The following CACNA2D3 variants were observed in gnomAD, a reference collection of about 807,000 sequenced individuals.
The protein encoded by CACNA2D3 is calcium voltage-gated channel auxiliary subunit alpha2delta 3.
A neutral mutation model predicts 160.6 loss-of-function variants in CACNA2D3; 60 were observed. That is an observed-to-expected ratio of 0.37 (90% CI 0.30 to 0.46). The LOEUF (loss-of-function observed/expected upper bound fraction) is 0.46, where lower values mean the gene tolerates loss of function less well. Ranked by LOEUF, CACNA2D3 falls within the 20% of genes least tolerant of loss-of-function variation. The pLI is 1.00. For missense variants in CACNA2D3, 1,205 were observed against 1,365.0 expected (o/e 0.88, Z 1.85); for synonymous variants, 558 against 492.9 (o/e 1.13, Z -1.75).
intron 4 of CACNA2D3, among the ~76,000 whole-genome samples, chr3:54,461,773 T>C (rs1454222199): frequency 1.3e-5 from 2 of 152,124 alleles, no homozygotes; most frequent in African/African-American, 4.8e-5. Flanking sequence ...TGTCTCTGTT[T>C]CCTTCAGTTC....
At chr3:54,622,506 A>C (rs1699010415) in intron 9 of CACNA2D3, among the ~76,000 whole-genome samples, 1 of 151,418 alleles carries the variant, frequency 6.6e-6, no homozygotes, top group African/African-American at 2.4e-5. Context: ...CGATCTCCTG[A>C]CCTCGTGATC....
chr3:54,727,372 A>G (rs536968681), intron 11 of CACNA2D3, among the ~76,000 whole-genome samples: 2 of 152,362 alleles, frequency 1.3e-5, no homozygotes, highest in East Asian at 3.9e-4. Context: ...ATCTAGAACT[A>G]GAAATACGAT....
chr3:54,713,412 T>A lies in CACNA2D3; in HGVS notation c.1168-39187T>A, dbSNP rs993235370. Among the ~76,000 whole-genome samples, 7 of 152,306 alleles carry A rather than the reference T, an allele frequency of 4.6e-5. No individual in the cohort carries two copies. The East Asian group carries it at 1.4e-3, about 29-fold the overall frequency. On this transcript the variant is annotated intron_variant, in intron 11 of 37. Transcript: ENST00000474759. ...CTGGGGAAGATCCAAGCAGATAACA[T>A]TATCCTCACATAAAAGTGGCCAATA...
intron 2 of CACNA2D3, among the ~76,000 whole-genome samples, chr3:54,283,638 ATG>A (rs1491145373): frequency 6.6e-6 from 1 of 152,120 alleles, no homozygotes; most frequent in Non-Finnish European, 1.5e-5. Flanking sequence ...AGCAAGTGCA[ATG>A]TGTGTGTGTG....
intron 2 of CACNA2D3, among the ~76,000 whole-genome samples, chr3:54,142,977 C>T (rs1699964653): frequency 6.6e-6 from 1 of 152,196 alleles, no homozygotes; most frequent in African/African-American, 2.4e-5. Flanking sequence ...ACAAGTACAA[C>T]AACCCTGAGT....
At chr3:54,854,048 C>A (rs148312205) in intron 17 of CACNA2D3, among the ~76,000 whole-genome samples, 1 of 152,154 alleles carries the variant, frequency 6.6e-6, no homozygotes, top group South Asian at 2.1e-4. Flanking sequence ...GCAGAGCCAG[C>A]CCCTGCCAGT....
At position 54,924,951 on chromosome 3, in the gene CACNA2D3, G is replaced by C. The variant is rs765438304; in HGVS notation, c.2449+25083G>C. 3 of 1,611,550 alleles carry C rather than the reference G, an allele frequency of 1.9e-6. No homozygotes were observed. The Admixed American group carries it at 5.0e-5, about 27-fold the overall frequency. On this transcript the variant is annotated intron_variant, in intron 27 of 37. Coordinates refer to ENST00000474759, the MANE Select transcript of CACNA2D3 (RefSeq NM_018398.3). The stretch of plus-strand genomic sequence containing the variant: ...GTGCTGAAGCCCATGGAAAGCTCCA[G>C]GGGCCAGATTTGAAAGGGAATTGTT...
chr3:54,630,425 T>C (rs1480090760), intron 10 of CACNA2D3, among the ~76,000 whole-genome samples: 1 of 152,168 alleles, frequency 6.6e-6, no homozygotes, highest in East Asian at 1.9e-4. Flanking sequence ...GCATGCGCAG[T>C]TTAATGCCGG....
chr3:54,534,026 C>T (rs770837709), intron 5 of CACNA2D3, among the ~76,000 whole-genome samples: 4 of 152,194 alleles, frequency 2.6e-5, no homozygotes, highest in Non-Finnish European at 5.9e-5. Flanking sequence ...CACCCACATC[C>T]TGTCCCACCA....
At chr3:54,774,212 A>G (rs1210919619) in intron 13 of CACNA2D3, among the ~76,000 whole-genome samples, 1 of 152,204 alleles carries the variant, frequency 6.6e-6, no homozygotes, top group Non-Finnish European at 1.5e-5. Context: ...TTCTTCTCGC[A>G]TCACTATTAA....
At chr3:54,453,524 G>C (rs1401129278) in intron 4 of CACNA2D3, among the ~76,000 whole-genome samples, 1 of 151,924 alleles carries the variant, frequency 6.6e-6, no homozygotes, top group Non-Finnish European at 1.5e-5. Flanking sequence ...GATCTTTTTG[G>C]TTGCCATTAA....
intron 17 of CACNA2D3, among the ~76,000 whole-genome samples, chr3:54,850,444 C>T (rs781377708): frequency 6.6e-6 from 1 of 152,198 alleles, no homozygotes; most frequent in Non-Finnish European, 1.5e-5. Context: ...TGAAGTATAG[C>T]TACAGACTAG....
intron 5 of CACNA2D3, among the ~76,000 whole-genome samples, chr3:54,544,343 T>G (rs1286279155): frequency 6.6e-6 from 1 of 152,184 alleles, no homozygotes; most frequent in Non-Finnish European, 1.5e-5. Flanking sequence ...TTATATCTTT[T>G]GTTATTGTTG....
chr3:54,556,257 G>A (rs1435933265), intron 5 of CACNA2D3, among the ~76,000 whole-genome samples: 1 of 152,174 alleles, frequency 6.6e-6, no homozygotes, highest in Non-Finnish European at 1.5e-5. Context: ...CAAATTTAGG[G>A]TGGTGCCTAA....
intron 29 of CACNA2D3, among the ~76,000 whole-genome samples, chr3:54,982,443 T>C (rs1278625338): frequency 6.6e-6 from 1 of 152,106 alleles, no homozygotes; most frequent in African/African-American, 2.4e-5. Flanking sequence ...TGCACCCCAC[T>C]TACCCAAAGT....
intron 2 of CACNA2D3, among the ~76,000 whole-genome samples, chr3:54,281,741 C>G (rs144260303): frequency 2.0e-5 from 3 of 152,294 alleles, no homozygotes; most frequent in Non-Finnish European, 4.4e-5. Flanking sequence ...ACAGCTTAAG[C>G]TCTGTATTCA....
rs113773567 is a variant in CACNA2D3 at position 54,820,404 on chromosome 3, C to T, written c.1398+3534C>T. Among the ~76,000 whole-genome samples the T allele has an allele frequency of 3.3e-5, 5 of 152,116 alleles. 1 individual carries two copies. The highest frequency in any genetic ancestry group is 1.2e-4 in the African/African-American group (5 of 41,502). On this transcript the variant is annotated intron_variant, in intron 14 of 37. Transcript: ENST00000474759. ...TGAGGGTCTTCCAAAACTTCTAGTC[C>T]TTTATGACAATGTTTTAGAACAACA...
intron 3 of CACNA2D3, among the ~76,000 whole-genome samples, chr3:54,378,429 C>T (rs1225259780): frequency 2.0e-5 from 3 of 152,166 alleles, no homozygotes; most frequent in African/African-American, 7.2e-5. Flanking sequence ...TCCTGCTGTG[C>T]AGCCCAGTTC....
chr3:54,282,737 G>C (rs1425589647), intron 2 of CACNA2D3, among the ~76,000 whole-genome samples: 4 of 152,176 alleles, frequency 2.6e-5, no homozygotes, highest in Non-Finnish European at 4.4e-5. Context: ...TGTATTACAA[G>C]TTGTGATAAG....
Sources: allele counts gnomAD v4.1 joint callset (sites outside exome capture counted in the v4.1 genomes callset), GRCh38; gene constraint gnomAD v4.1.1; transcripts MANE v1.5; gene names NCBI Gene and HGNC (gene_info 2026-07-23, HGNC 2026-07-21).